NTRK2: variants seen among roughly 807,000 people sequenced by gnomAD.
NTRK2 encodes the protein BDNF/NT-3 growth factors receptor.
A neutral mutation model predicts 94.5 loss-of-function variants in NTRK2; 13 were observed. The observed-to-expected ratio is 0.14, with a 90% CI of 0.09 to 0.22. The LOEUF (loss-of-function observed/expected upper bound fraction) is 0.22, where lower values mean the gene tolerates loss of function less well. Among genes scored for constraint, NTRK2 ranks in the 10% least tolerant of loss-of-function variants. The probability of loss-of-function intolerance (pLI) is 1.00; values close to 1 mark genes in which losing one functional copy is unlikely to be tolerated. For missense variants in NTRK2, 639 were observed against 1,071.2 expected (o/e 0.60, Z 5.63); for synonymous variants, 372 against 407.4 (o/e 0.91, Z 1.05).
intron 9 of NTRK2, 66 bp downstream of exon 9, chr9:84,728,025 C>A: frequency 6.8e-7 from 1 of 1,460,118 alleles, no homozygotes; most frequent in African/African-American, 1.4e-5. Flanking sequence ...TTGACAAAAT[C>A]ATGTATACAA....
rs149808809 is a variant in NTRK2 at position 84,982,321 on chromosome 9, G to A, written c.2172+26804G>A. Among the ~76,000 whole-genome samples, 214 of 152,272 alleles carry A rather than the reference G, an allele frequency of 1.4e-3. 1 individual carries two copies. Among genetic ancestry groups the A allele is most frequent in the African/African-American group, 5.0e-3 (206 of 41,546 alleles). The stretch of plus-strand genomic sequence containing the variant: ...ATTAAGCAGGAATTTTTCTCAGCAG[G>A]AGGATCTTGACTCTAGATTATTAGT... On this transcript the variant is annotated intron_variant, in intron 17 of 18. Coordinates refer to ENST00000277120, the MANE Select transcript of NTRK2 (RefSeq NM_006180.6).
At chr9:84,823,853 T>C (rs969306590) in intron 12 of NTRK2, among the ~76,000 whole-genome samples, 14 of 152,248 alleles carry the variant, frequency 9.2e-5, no homozygotes, top group African/African-American at 2.9e-4. Flanking sequence ...ATTCTGCTCG[T>C]GGCTTTCAGA....
rs1349303529 is a variant in NTRK2 at position 84,870,331 on chromosome 9, G to GTGTGTGTGTGTGTGTATATATA, written c.1633+2901_1633+2902insGTGTGTGTGTGTGTATATATAT. Among the ~76,000 whole-genome samples the GTGTGTGTGTGTGTGTATATATA allele has an allele frequency of 1.3e-4, 4 of 31,180 alleles. No individual in the cohort carries two copies. In the South Asian group the frequency reaches 0.012, roughly 94 times the overall value. The allele number at this position is 31,180 out of a possible 152,430, so 20.5% of individuals were successfully genotyped here. ...ATACATATATGTGGGGTGTGTGTGT[G>GTGTGTGTGTGTGTGTATATATA]TATATATATATATATATATATATAT... On this transcript the variant is annotated intron_variant, in intron 14 of 18. Transcript: ENST00000277120.
At chr9:85,010,325 T>C (rs1344063154) in intron 17 of NTRK2, among the ~76,000 whole-genome samples, 1 of 152,228 alleles carries the variant, frequency 6.6e-6, no homozygotes, top group Admixed American at 6.5e-5. Context: ...TTTTCCTGGT[T>C]GCTTTTTCTC....
At chr9:84,815,520 T>C in intron 12 of NTRK2, 2 of 857,956 alleles carry the variant, frequency 2.3e-6, no homozygotes, top group Non-Finnish European at 2.8e-6. Flanking sequence ...CATGCCCTGT[T>C]TTTTTTTTTT....
In NTRK2 at chr9:84,969,487, T is replaced by C. The variant is rs371763469; in HGVS notation, c.2172+13970T>C. 6.6e-5 allele frequency among the ~76,000 whole-genome samples: 10 copies of C among 152,302 alleles called. No individual in the cohort carries two copies. The East Asian group carries it at 1.9e-3, about 29-fold the overall frequency. ...AAATAATGTTCTGCATGCAAAAAAA[T>C]AAAATATACAGCATTACAAAAGAAC... On this transcript the variant is annotated intron_variant, in intron 17 of 18. Coordinates refer to ENST00000277120, the MANE Select transcript of NTRK2 (RefSeq NM_006180.6).
intron 4 of NTRK2, among the ~76,000 whole-genome samples, chr9:84,705,120 A>G (rs1249702337): frequency 1.3e-5 from 2 of 152,104 alleles, no homozygotes; most frequent in African/African-American, 4.8e-5. Flanking sequence ...CAATATAAAA[A>G]TGCATACAAG....
chr9:84,932,993 C>T (rs1159075473), intron 14 of NTRK2, among the ~76,000 whole-genome samples: 1 of 152,096 alleles, frequency 6.6e-6, no homozygotes, highest in African/African-American at 2.4e-5. Flanking sequence ...GGTTCAAATC[C>T]CAATTCCATT....
rs186807691 is a variant in NTRK2 at position 84,876,221 on chromosome 9, G to A, written c.1633+8790G>A. The A allele has an allele frequency of 3.6e-5, 38 of 1,042,244 alleles. No individual in the cohort carries two copies. The East Asian group carries it at 2.2e-3, about 60-fold the overall frequency. The allele number at this position is 1,042,244 out of a possible 1,614,324, so 64.6% of individuals were successfully genotyped here. ...TTTCCAATAAAGTGGTTGATATAGA[G>A]AGGACAGGATAAAGCCCTATAGTGT... On this transcript the variant is annotated intron_variant, in intron 14 of 18. Coordinates refer to ENST00000277120, the MANE Select transcript of NTRK2 (RefSeq NM_006180.6).
chr9:85,019,200 A>G (rs917406943), intron 17 of NTRK2, among the ~76,000 whole-genome samples: 3 of 152,192 alleles, frequency 2.0e-5, no homozygotes, highest in Non-Finnish European at 2.9e-5. Context: ...AACTCTATGC[A>G]CCATTACTCT....
intron 12 of NTRK2, among the ~76,000 whole-genome samples, chr9:84,807,324 T>C (rs1464746224): frequency 1.3e-5 from 2 of 152,186 alleles, no homozygotes; most frequent in African/African-American, 2.4e-5. Flanking sequence ...GTCTTTCCCT[T>C]TGAAAAGGTC....
intron 12 of NTRK2, among the ~76,000 whole-genome samples, chr9:84,856,071 G>T (rs535506523): frequency 2.0e-4 from 31 of 152,302 alleles, no homozygotes; most frequent in South Asian, 4.1e-4. Flanking sequence ...CAGTTAGGAG[G>T]TTCAGCCAAA....
intron 17 of NTRK2, among the ~76,000 whole-genome samples, chr9:84,992,199 A>T (rs1208455693): frequency 6.6e-6 from 1 of 152,152 alleles, no homozygotes; most frequent in Non-Finnish European, 1.5e-5. Flanking sequence ...ACCTGGGGGT[A>T]TCAAGTTGGC....
chr9:84,699,461 A>G (rs2060587321), intron 2 of NTRK2, among the ~76,000 whole-genome samples: 1 of 152,220 alleles, frequency 6.6e-6, no homozygotes, highest in African/African-American at 2.4e-5. Context: ...ACCATTTTTC[A>G]TAACTTCTTT....
At chr9:84,777,295 C>T (rs976523326) in intron 12 of NTRK2, among the ~76,000 whole-genome samples, 1 of 152,060 alleles carries the variant, frequency 6.6e-6, no homozygotes, top group Non-Finnish European at 1.5e-5. Flanking sequence ...TCAGAGAACT[C>T]TGGAGAAACT....
At chr9:84,851,479 A>T (rs140600162) in intron 12 of NTRK2, among the ~76,000 whole-genome samples, 1 of 152,190 alleles carries the variant, frequency 6.6e-6, no homozygotes, top group African/African-American at 2.4e-5. Flanking sequence ...AAGTGTGTAT[A>T]ATCCTGTTAT....
chr9:84,896,489 A>G (rs2076762431), intron 14 of NTRK2, among the ~76,000 whole-genome samples: 1 of 152,236 alleles, frequency 6.6e-6, no homozygotes, highest in Non-Finnish European at 1.5e-5. Context: ...TTGGAAAGAA[A>G]GAAGTAATTT....
chr9:84,868,238 C>A (rs940232834), intron 14 of NTRK2, among the ~76,000 whole-genome samples: 52 of 152,126 alleles, frequency 3.4e-4, no homozygotes, highest in African/African-American at 1.1e-3. Context: ...AGATTCCCTG[C>A]CACTAAGGAG....
intron 12 of NTRK2, among the ~76,000 whole-genome samples, chr9:84,796,418 G>C (rs192601420): frequency 3.9e-5 from 6 of 152,180 alleles, no homozygotes. Flanking sequence ...GTTATGTCAC[G>C]AGCCCACACT....
Sources: allele counts gnomAD v4.1 joint callset (sites outside exome capture counted in the v4.1 genomes callset), GRCh38; gene constraint gnomAD v4.1.1; transcripts MANE v1.5; gene names NCBI Gene and HGNC (gene_info 2026-07-23, HGNC 2026-07-21).